The following PRKAG2 variants were observed in gnomAD, a reference collection of about 807,000 sequenced individuals.
The protein encoded by PRKAG2 is 5'-AMP-activated protein kinase subunit gamma-2.
Under a neutral mutation model 69.6 loss-of-function variants are expected in PRKAG2, and 26 were observed. That is an observed-to-expected ratio of 0.37 (90% CI 0.27 to 0.52). PRKAG2 has a LOEUF of 0.52. Ranked by LOEUF, PRKAG2 falls within the 20% of genes least tolerant of loss-of-function variation. The pLI, the probability that PRKAG2 is intolerant of heterozygous loss-of-function variation, is 0.90. For missense variants in PRKAG2, 557 were observed against 740.0 expected, an observed-to-expected ratio of 0.75 and a Z score of 2.87; for synonymous variants, 293 against 285.0, an observed-to-expected ratio of 1.03 and a Z score of -0.28.
In PRKAG2 at chr7:151,786,525, G is replaced by A. The variant is rs730880984; in HGVS notation, c.131C>T (p.Ala44Val). The A allele has an allele frequency of 1.3e-5, 21 of 1,612,792 alleles. No homozygotes were observed. Among genetic ancestry groups the A allele is most frequent in the Non-Finnish European group, 1.6e-5 (19 of 1,179,594 alleles). ...RVHIPDLSSFAMPLLDGDLEG... is the reference protein window; with the variant it reads ...RVHIPDLSSFVMPLLDGDLEG... ...CAGGTCTCCGTCCAGGAGCGGCATG[G>A]CGAAGGAGCTCAGGTCCTAGGGTGG... The change falls in exon 2 of 16, where the codon GCC (alanine) becomes GTC (valine). Residue 44 changes from alanine to valine, a missense_variant. Ala to Val is a moderately conservative substitution (Grantham distance 64). Around this residue, in one of 2 missense-constraint regions of PRKAG2, gnomAD observed 352 missense variants for 356.7 expected, o/e 0.99. Coordinates refer to ENST00000287878, the MANE Select transcript of PRKAG2 (RefSeq NM_016203.4).
intron 5 of PRKAG2, among the ~76,000 whole-genome samples, chr7:151,618,502 T>C (rs1206112601): frequency 6.6e-6 from 1 of 150,900 alleles, no homozygotes; most frequent in Non-Finnish European, 1.5e-5. Flanking sequence ...TGGTGGCTCA[T>C]GCCTGTAATC....
rs1257463989 is a variant in PRKAG2, at chr7:151,648,209, T to C, written c.685-16071A>G. Among the ~76,000 whole-genome samples the C allele has an allele frequency of 2.0e-5, 3 of 152,306 alleles. No homozygotes were observed. In the East Asian group the frequency reaches 5.8e-4, roughly 29 times the overall value. ...CCTCCCAAACTTTGGACAGGTGTCA[T>C]TCTATCATATCCCCATACAACCTAC... On this transcript the variant is annotated intron_variant, in intron 4 of 15. Coordinates refer to ENST00000287878, the MANE Select transcript of PRKAG2 (RefSeq NM_016203.4).
intron 6 of PRKAG2, among the ~76,000 whole-genome samples, chr7:151,577,975 C>T (rs927765006): frequency 3.4e-5 from 5 of 148,646 alleles, no homozygotes; most frequent in African/African-American, 1.2e-4. Context: ...AAAAGTGTTA[C>T]ATTATGGTAT....
At chr7:151,653,540 T>C (rs1453041759) in intron 4 of PRKAG2, among the ~76,000 whole-genome samples, 1 of 152,168 alleles carries the variant, frequency 6.6e-6, no homozygotes, top group African/African-American at 2.4e-5. Flanking sequence ...AAATTCTTTT[T>C]TAACATGTTA....
intron 3 of PRKAG2, among the ~76,000 whole-genome samples, chr7:151,732,762 G>A (rs900854649): frequency 6.6e-6 from 1 of 152,100 alleles, no homozygotes; most frequent in Admixed American, 6.5e-5. Context: ...GCATAATCTT[G>A]GCTCACTGCA....
At chr7:151,827,890 G>A (rs1036563046) in intron 1 of PRKAG2, among the ~76,000 whole-genome samples, 1 of 151,846 alleles carries the variant, frequency 6.6e-6, no homozygotes, top group African/African-American at 2.4e-5. Context: ...TCCTGATATT[G>A]TAATAGTGGA....
chr7:151,846,347 A>G (rs2079432323), intron 1 of PRKAG2, among the ~76,000 whole-genome samples: 1 of 152,148 alleles, frequency 6.6e-6, no homozygotes, highest in South Asian at 2.1e-4. Context: ...GCACGCCTGT[A>G]ATCCCAGCTA....
intron 1 of PRKAG2, among the ~76,000 whole-genome samples, chr7:151,840,843 G>A (rs1214457373): frequency 6.6e-6 from 1 of 152,228 alleles, no homozygotes; most frequent in Non-Finnish European, 1.5e-5. Flanking sequence ...GTTAGTTTAA[G>A]AATATAAAGT....
At chr7:151,709,613 G>A (rs768553881) in intron 3 of PRKAG2, among the ~76,000 whole-genome samples, 2 of 152,062 alleles carry the variant, frequency 1.3e-5, no homozygotes, top group Non-Finnish European at 1.5e-5. Context: ...ACTGAATGAC[G>A]AGTGACACTG....
At chr7:151,710,642 C>G (rs1294569328) in intron 3 of PRKAG2, among the ~76,000 whole-genome samples, 4 of 152,196 alleles carry the variant, frequency 2.6e-5, no homozygotes, top group Non-Finnish European at 4.4e-5. Context: ...CTAAGCATAC[C>G]ATCTAAGAGG....
intron 2 of PRKAG2, among the ~76,000 whole-genome samples, chr7:151,782,123 TAAAAAAAA>T (rs922654965): frequency 6.8e-6 from 1 of 148,062 alleles, no homozygotes; most frequent in African/African-American, 2.5e-5. Flanking sequence ...AATAAAAAAA[TAAAAAAAA>T]AATTAGCTGG....
At chr7:151,693,429 C>A (rs557943959) in intron 3 of PRKAG2, among the ~76,000 whole-genome samples, 36 of 152,336 alleles carry the variant, frequency 2.4e-4, no homozygotes, top group African/African-American at 6.0e-4. Context: ...CTCCTCCAGG[C>A]CCATCACCTC....
intron 1 of PRKAG2, among the ~76,000 whole-genome samples, chr7:151,831,945 G>A (rs2079034817): frequency 6.6e-6 from 1 of 152,064 alleles, no homozygotes; most frequent in Admixed American, 6.5e-5. Context: ...AGAGCGGGGT[G>A]GCTGCTGCAT....
In PRKAG2 at chr7:151,781,538, T is replaced by A. The variant is rs903468813; in HGVS notation, c.187-107A>T. The stretch of plus-strand genomic sequence containing the variant: ...TCCTCTCTCACATGCGGGCCCCCCA[T>A]AGTACCCTCCCAGAGAAACAGCCCT... On this transcript the variant is annotated intron_variant, in intron 2 of 15. Transcript: ENST00000287878. The surrounding 1 kb of genome is among the most constrained non-coding windows in gnomAD (Gnocchi z 6.1). The A allele has an allele frequency of 7.4e-7, 1 of 1,352,104 alleles. No individual in the cohort carries two copies. The highest frequency in any genetic ancestry group is 1.0e-6 in the Non-Finnish European group (1 of 982,860). 83.8% of individuals were successfully genotyped at this position (1,352,104 alleles called of 1,614,324 possible).
intron 3 of PRKAG2, among the ~76,000 whole-genome samples, chr7:151,735,712 C>T (rs1219992973): frequency 3.3e-5 from 5 of 152,182 alleles, no homozygotes; most frequent in African/African-American, 1.2e-4. Flanking sequence ...TCAGGCGGCT[C>T]CCCACAGCAG....
At chr7:151,573,125 G>A (rs113032029) in intron 8 of PRKAG2, among the ~76,000 whole-genome samples, 21,770 of 150,640 alleles carry the variant, frequency 0.14, 1,691 homozygotes, top group African/African-American at 0.18. Context: ...AAAAAAGAAA[G>A]TGAGGTGAGA....
rs2079134769 is a variant in PRKAG2 at position 151,835,883 on chromosome 7, T to C, written c.114+40624A>G. On this transcript the variant is annotated intron_variant, in intron 1 of 15. Coordinates refer to ENST00000287878, the MANE Select transcript of PRKAG2 (RefSeq NM_016203.4). This position sits in a 1 kb window ranked among gnomAD's most constrained non-coding sequence, Gnocchi z 4.1. ...TGCATCTGTCCCACAAAGGGCAGCC[T>C]TTCCGTATTCAAGAGTGGGGTGCAG... Among the ~76,000 whole-genome samples the C allele has an allele frequency of 1.3e-5, 2 of 152,140 alleles. No homozygotes were observed. Among genetic ancestry groups the C allele is most frequent in the African/African-American group, 4.8e-5 (2 of 41,440 alleles).
chr7:151,685,776 A>C lies in PRKAG2; in HGVS notation c.467-10139T>G, dbSNP rs867688099. Among the ~76,000 whole-genome samples, 174 of 152,276 alleles carry C rather than the reference A, an allele frequency of 1.1e-3. 1 individual carries two copies. In the Middle Eastern group the frequency reaches 0.017, roughly 15 times the overall value. Reference sequence around the variant, plus strand: ...AGAAAGACCCTGTCTCTAAAAAAAAAAAAAAAAATTCTAATATGGTGAATA... The same window carrying C: ...AGAAAGACCCTGTCTCTAAAAAAAACAAAAAAAATTCTAATATGGTGAATA... On this transcript the variant is annotated intron_variant, in intron 3 of 15. Transcript: ENST00000287878.
At chr7:151,769,363 G>A (rs2075905459) in intron 3 of PRKAG2, among the ~76,000 whole-genome samples, 1 of 152,226 alleles carries the variant, frequency 6.6e-6, no homozygotes, top group Non-Finnish European at 1.5e-5. Context: ...AGTCACTTAA[G>A]TTGAGGTCGC....
Sources: allele counts gnomAD v4.1 joint callset (sites outside exome capture counted in the v4.1 genomes callset), GRCh38; gene constraint gnomAD v4.1.1; regional missense constraint gnomAD v4.1.1; non-coding constraint Gnocchi (gnomAD v3.1); transcripts MANE v1.5; gene names NCBI Gene and HGNC (gene_info 2026-07-23, HGNC 2026-07-21).